BANK1: variants seen among roughly 807,000 people sequenced by gnomAD.
BANK1 encodes B-cell scaffold protein with ankyrin repeats.
In BANK1, 95 loss-of-function variants were observed where a neutral mutation model predicts 94.5. That is an observed-to-expected ratio of 1.00 (90% confidence interval 0.85 to 1.19). The LOEUF (loss-of-function observed/expected upper bound fraction) is 1.19, where lower values mean the gene tolerates loss of function less well. Ranked by LOEUF, BANK1 falls within the 50% of genes most tolerant of loss-of-function variation. The pLI, the probability that BANK1 is intolerant of heterozygous loss-of-function variation, is 0.00. For missense variants in BANK1, 987 were observed against 932.2 expected, an observed-to-expected ratio of 1.06 and a Z score of -0.77; for synonymous variants, 334 against 308.4, an observed-to-expected ratio of 1.08 and a Z score of -0.87.
At chr4:101,846,272 G>A (rs1727240230) in intron 2 of BANK1, among the ~76,000 whole-genome samples, 1 of 152,220 alleles carries the variant, frequency 6.6e-6, no homozygotes, top group African/African-American at 2.4e-5. Flanking sequence ...CATGTCCTTT[G>A]TAGGGACATG....
intron 7 of BANK1, among the ~76,000 whole-genome samples, chr4:102,007,138 A>ATT (rs1560682246): frequency 6.4e-5 from 2 of 31,284 alleles, no homozygotes; most frequent in African/African-American, 2.4e-4. Flanking sequence ...ATATATAAAA[A>ATT]ATATATTTTA....
intron 2 of BANK1, among the ~76,000 whole-genome samples, chr4:101,832,395 G>A (rs1019652165): frequency 5.3e-5 from 8 of 151,858 alleles, no homozygotes; most frequent in African/African-American, 7.3e-5. Context: ...CTAAGTTTAC[G>A]GTTTATTTTT....
At chr4:102,029,380 T>C (rs114958072) in intron 9 of BANK1, among the ~76,000 whole-genome samples, 2,302 of 151,214 alleles carry the variant, frequency 0.015, 53 homozygotes, top group African/African-American at 0.053. Flanking sequence ...ATATGAAACA[T>C]GAAACAACTT....
At chr4:101,892,245 GTTAT>G (rs1412356876) in intron 5 of BANK1, among the ~76,000 whole-genome samples, 2 of 150,716 alleles carry the variant, frequency 1.3e-5, no homozygotes, top group African/African-American at 4.8e-5. Context: ...TAATAATAAA[GTTAT>G]TTATCAGAAA....
At chr4:102,000,820 C>A (rs1178542842) in intron 7 of BANK1, among the ~76,000 whole-genome samples, 1 of 152,162 alleles carries the variant, frequency 6.6e-6, no homozygotes, top group Non-Finnish European at 1.5e-5. Flanking sequence ...TCCATGTTTT[C>A]ACCTTGTGCA....
chr4:101,825,846 C>T (rs1463715119), intron 1 of BANK1, among the ~76,000 whole-genome samples: 2 of 151,904 alleles, frequency 1.3e-5, no homozygotes, highest in Non-Finnish European at 2.9e-5. Flanking sequence ...TAAAAAGGCT[C>T]AATTTTCAAC....
At chr4:102,011,094 A>G (rs1726498251) in intron 7 of BANK1, among the ~76,000 whole-genome samples, 1 of 152,202 alleles carries the variant, frequency 6.6e-6, no homozygotes, top group East Asian at 1.9e-4. Context: ...ATATCTTACT[A>G]TGAAATCATC....
intron 7 of BANK1, among the ~76,000 whole-genome samples, chr4:101,939,673 AG>A (rs1478150869): frequency 6.6e-6 from 1 of 151,734 alleles, no homozygotes; most frequent in Admixed American, 6.6e-5. Context: ...CTTAGCTACA[AG>A]GAATGAGAAA....
At chr4:102,073,802 G>A (rs1728835155) in intron 16 of BANK1, 54 bp downstream of exon 16, 2 of 1,371,692 alleles carry the variant, frequency 1.5e-6, no homozygotes, top group East Asian at 4.6e-5. Context: ...CCTTGTTAGG[G>A]ACTTGAAGGT....
intron 2 of BANK1, among the ~76,000 whole-genome samples, chr4:101,831,830 G>T (rs1049341381): frequency 6.6e-6 from 1 of 152,158 alleles, no homozygotes. Context: ...ATACATAATG[G>T]TTATATCAGT....
chr4:102,019,900 A>G (rs575061497), intron 7 of BANK1, among the ~76,000 whole-genome samples: 1 of 152,236 alleles, frequency 6.6e-6, no homozygotes, highest in African/African-American at 2.4e-5. Flanking sequence ...ATCAACCTAG[A>G]CTTTTTTCTT....
intron 6 of BANK1, among the ~76,000 whole-genome samples, chr4:101,898,038 A>G (rs924384376): frequency 2.6e-5 from 4 of 151,982 alleles, no homozygotes; most frequent in African/African-American, 9.7e-5. Context: ...TAACTCATTC[A>G]GAAGCATTAT....
At chr4:101,963,616 T>G (rs1027843003) in intron 7 of BANK1, among the ~76,000 whole-genome samples, 9 of 151,924 alleles carry the variant, frequency 5.9e-5, no homozygotes, top group South Asian at 4.2e-4. Flanking sequence ...CAAAGTGTAC[T>G]ATTTATTCAT....
intron 7 of BANK1, among the ~76,000 whole-genome samples, chr4:101,969,331 G>A (rs1185064162): frequency 6.6e-6 from 1 of 152,100 alleles, no homozygotes; most frequent in Non-Finnish European, 1.5e-5. Context: ...AAATGGGAAG[G>A]AAATTGTGTC....
At chr4:101,862,963 C>A (rs1727935585) in intron 4 of BANK1, among the ~76,000 whole-genome samples, 1 of 151,950 alleles carries the variant, frequency 6.6e-6, no homozygotes, top group Non-Finnish European at 1.5e-5. Context: ...AAACATATGA[C>A]TAAAATTGTT....
chr4:102,025,263 G>T lies in BANK1; in HGVS notation c.1348G>T (p.Ala450Ser), dbSNP rs201056526. Reference protein sequence around the residue: ...RKTYGQSADGAEANEMEGEGK... With the variant: ...RKTYGQSADGSEANEMEGEGK... ...GACATACGGGCAGAGTGCAGATGGA[G>T]CTGAGGCAAATGAAATGGAAGGGGA... is the stretch of plus-strand genomic sequence containing the variant. The change falls in exon 9 of 17, where the codon GCT becomes TCT. Residue 450 changes from alanine to serine, a missense_variant. Coordinates refer to ENST00000322953, the MANE Select transcript of BANK1 (RefSeq NM_017935.5). 6.2e-7 allele frequency: 1 copy of T among 1,614,140 alleles called. No homozygotes were observed. The highest frequency in any genetic ancestry group is 8.5e-7 in the Non-Finnish European group (1 of 1,180,016).
intron 7 of BANK1, among the ~76,000 whole-genome samples, chr4:101,975,757 C>T (rs1177915482): frequency 6.6e-6 from 1 of 152,050 alleles, no homozygotes; most frequent in Non-Finnish European, 1.5e-5. Context: ...GCTGTTTCTG[C>T]TCTTTATCCT....
chr4:102,035,842 C>G (rs1303689564), intron 10 of BANK1, among the ~76,000 whole-genome samples: 1 of 150,560 alleles, frequency 6.6e-6, no homozygotes, highest in African/African-American at 2.4e-5. Flanking sequence ...TTTTTTTATC[C>G]CTGTAATATT....
chr4:101,971,051 A>C (rs1010851628), intron 7 of BANK1, among the ~76,000 whole-genome samples: 1 of 152,146 alleles, frequency 6.6e-6, no homozygotes, highest in Admixed American at 6.6e-5. Flanking sequence ...TTCATGCAAC[A>C]TAATTTGAAC....
Sources: allele counts gnomAD v4.1 joint callset (sites outside exome capture counted in the v4.1 genomes callset), GRCh38; gene constraint gnomAD v4.1.1; transcripts MANE v1.5; gene names NCBI Gene and HGNC (gene_info 2026-07-23, HGNC 2026-07-21).